SLC49A4: variants seen among roughly 807,000 people sequenced by gnomAD.
SLC49A4 encodes the protein disrupted in renal cancer protein 2.
In SLC49A4, 36 loss-of-function variants were observed where a neutral mutation model predicts 50.6. That is an observed-to-expected ratio of 0.71 (90% CI 0.55 to 0.94). The LOEUF (loss-of-function observed/expected upper bound fraction) is 0.94, where lower values mean the gene tolerates loss of function less well. SLC49A4 is among the 40% of genes least tolerant of loss of function. The pLI is 0.00. For synonymous variants in SLC49A4, 248 were observed against 241.2 expected, an observed-to-expected ratio of 1.03 and a Z score of -0.26; for missense variants, 503 against 605.7, an observed-to-expected ratio of 0.83 and a Z score of 1.78.
chr3:122,810,848 A>T (rs1349172826), intron 2 of SLC49A4, among the ~76,000 whole-genome samples: 1 of 152,230 alleles, frequency 6.6e-6, no homozygotes, highest in Non-Finnish European at 1.5e-5. Context: ...TGAATTGTTT[A>T]GTGACTGATT....
intron 2 of SLC49A4, among the ~76,000 whole-genome samples, chr3:122,807,593 C>G (rs1936240904): frequency 6.6e-6 from 1 of 151,952 alleles, no homozygotes. Context: ...ATTATTTTAC[C>G]AGTAATAATC....
chr3:122,870,568 G>C (rs886538293), intron 7 of SLC49A4, among the ~76,000 whole-genome samples: 1 of 151,020 alleles, frequency 6.6e-6, no homozygotes, highest in Non-Finnish European at 1.5e-5. Flanking sequence ...CAGCACTTTG[G>C]GGGGCTGAGG....
intron 2 of SLC49A4, among the ~76,000 whole-genome samples, chr3:122,816,779 G>C (rs1351499672): frequency 1.3e-5 from 2 of 152,168 alleles, no homozygotes; most frequent in Non-Finnish European, 2.9e-5. Flanking sequence ...CAGTTCATCA[G>C]CACAGTGGTC....
intron 1 of SLC49A4, among the ~76,000 whole-genome samples, chr3:122,806,114 G>C (rs9840504): frequency 6.6e-6 from 1 of 152,232 alleles, no homozygotes; most frequent in Non-Finnish European, 1.5e-5. Context: ...AGTTAAGGCA[G>C]TACTCTATCA....
At chr3:122,871,218 GT>G (rs1262752007) in intron 7 of SLC49A4, among the ~76,000 whole-genome samples, 1 of 151,952 alleles carries the variant, frequency 6.6e-6, no homozygotes, top group Non-Finnish European at 1.5e-5. Flanking sequence ...CCAACTATTT[GT>G]ATTATCAGAA....
At chr3:122,847,433 T>C (rs1477268804) in intron 5 of SLC49A4, among the ~76,000 whole-genome samples, 1 of 151,204 alleles carries the variant, frequency 6.6e-6, no homozygotes, top group African/African-American at 2.4e-5. Flanking sequence ...CTGCAAGCTC[T>C]GACTCCCGGG....
At chr3:122,837,162 A>C (rs989803216) in intron 4 of SLC49A4, among the ~76,000 whole-genome samples, 2 of 152,224 alleles carry the variant, frequency 1.3e-5, no homozygotes, top group Non-Finnish European at 2.9e-5. Context: ...ATTCAATGCC[A>C]TCCCCATCAA....
rs1936838919 is a variant in SLC49A4, at chr3:122,845,662, A to C, written c.834-101A>C. 5 of 169,674 alleles carry C rather than the reference A, an allele frequency of 2.9e-5. No homozygotes were observed. The South Asian group carries it at 6.5e-4, about 22-fold the overall frequency. The allele number at this position is 169,674 out of a possible 1,614,324, so 10.5% of individuals were successfully genotyped here. A position where few individuals can be genotyped will look rare whatever the true frequency, so the allele number is the denominator to read the frequency against. On this transcript the variant is annotated intron_variant, in intron 4 of 8. Coordinates refer to ENST00000261038, the MANE Select transcript of SLC49A4 (RefSeq NM_032839.3). ...AATGCCATTCTGCAGATATTTTCTG[A>C]TTCTGGTGTTCCAGTTTCCAAATGA...
intron 2 of SLC49A4, among the ~76,000 whole-genome samples, chr3:122,823,919 C>T (rs1481224917): frequency 2.0e-5 from 3 of 152,130 alleles, no homozygotes; most frequent in African/African-American, 7.2e-5. Context: ...TCACAGTCCC[C>T]AGGACAACAG....
chr3:122,835,430 T>G (rs1336295205), intron 4 of SLC49A4, among the ~76,000 whole-genome samples: 1 of 152,108 alleles, frequency 6.6e-6, no homozygotes, highest in Admixed American at 6.5e-5. Flanking sequence ...TACACCATGA[T>G]CAAGTGGGTT....
At chr3:122,854,280 C>T (rs1299566977) in intron 5 of SLC49A4, among the ~76,000 whole-genome samples, 2 of 152,224 alleles carry the variant, frequency 1.3e-5, no homozygotes, top group Non-Finnish European at 2.9e-5. Flanking sequence ...TTGCTTCTGG[C>T]AGCAAACACC....
chr3:122,823,681 GT>G (rs1223216112), intron 2 of SLC49A4, among the ~76,000 whole-genome samples: 1 of 151,998 alleles, frequency 6.6e-6, no homozygotes, highest in African/African-American at 2.4e-5. Flanking sequence ...TTATGGTAAT[GT>G]TCATATGATT....
rs187550843 is a variant in SLC49A4, at chr3:122,832,212, A to G, written c.704-1105A>G. ...AGATTAAGGGATTTGTTCAAATTAC[A>G]AGCTAATTAATGGCATAGACAGGTC... is the stretch of plus-strand genomic sequence containing the variant. On this transcript the variant is annotated intron_variant, in intron 3 of 8. Coordinates refer to ENST00000261038, the MANE Select transcript of SLC49A4 (RefSeq NM_032839.3). 4.4e-3 allele frequency among the ~76,000 whole-genome samples: 668 copies of G among 152,252 alleles called. 6 individuals are homozygous for G. Among genetic ancestry groups the G allele is most frequent in the African/African-American group, 0.015 (637 of 41,560 alleles).
intron 1 of SLC49A4, among the ~76,000 whole-genome samples, chr3:122,795,837 A>G (rs6768965): frequency 2.0e-5 from 3 of 152,366 alleles, no homozygotes; most frequent in Non-Finnish European, 2.9e-5. Context: ...ATCCCCGTGC[A>G]CGTGCGGTGT....
At chr3:122,796,835 A>T (rs1040753902) in intron 1 of SLC49A4, among the ~76,000 whole-genome samples, 2 of 152,160 alleles carry the variant, frequency 1.3e-5, no homozygotes, top group African/African-American at 2.4e-5. Context: ...GTGAGCTGTG[A>T]TGGCACCACT....
At chr3:122,809,601 G>A (rs1353283089) in intron 2 of SLC49A4, among the ~76,000 whole-genome samples, 1 of 151,684 alleles carries the variant, frequency 6.6e-6, no homozygotes, top group Non-Finnish European at 1.5e-5. Flanking sequence ...TTCTGTTTTG[G>A]GCCATCCATA....
intron 5 of SLC49A4, among the ~76,000 whole-genome samples, chr3:122,852,052 G>A (rs144721829): frequency 0.051 from 7,563 of 146,860 alleles, 265 homozygotes; most frequent in Middle Eastern, 0.11. Context: ...AGAGTGCAGC[G>A]GCGTGATCAG....
chr3:122,827,316 A>G (rs1325892716), intron 3 of SLC49A4, among the ~76,000 whole-genome samples: 1 of 152,176 alleles, frequency 6.6e-6, no homozygotes, highest in Non-Finnish European at 1.5e-5. Context: ...TAGTCTTTTC[A>G]TCTATTTACG....
chr3:122,824,319 A>T (rs1936494104), intron 2 of SLC49A4, among the ~76,000 whole-genome samples: 1 of 152,190 alleles, frequency 6.6e-6, no homozygotes, highest in African/African-American at 2.4e-5. Flanking sequence ...CCTTCTTTGG[A>T]TACTACTTTA....
Sources: gnomAD v4.1 joint callset for allele counts (sites outside exome capture counted in the v4.1 genomes callset) on GRCh38, gnomAD v4.1.1 for gene constraint, MANE v1.5 for transcripts, NCBI Gene and HGNC (gene_info 2026-07-23, HGNC 2026-07-21) for gene names.